BAZ2B: variants seen among roughly 807,000 people sequenced by gnomAD.
The protein encoded by BAZ2B is bromodomain adjacent to zinc finger domain protein 2B.
A neutral mutation model predicts 246.0 loss-of-function variants in BAZ2B; 91 were observed. The observed-to-expected ratio is 0.37, with a 90% CI of 0.31 to 0.44. BAZ2B has a LOEUF of 0.44. BAZ2B is among the 20% of genes least tolerant of loss of function. BAZ2B has a pLI of 1.00. For synonymous variants in BAZ2B, 855 were observed against 860.0 expected, an observed-to-expected ratio of 0.99 and a Z score of 0.10; for missense variants, 2,332 against 2,533.7, an observed-to-expected ratio of 0.92 and a Z score of 1.71.
rs112894902 is a variant in BAZ2B at position 159,450,990 on chromosome 2, A to G, written c.335-2581T>C. ...GCCTGCCTCGGCCTCCCAAAATGCT[A>G]GGATTATAGGCACGAGGCACCATGG... is the stretch of plus-strand genomic sequence containing the variant. On this transcript the variant is annotated intron_variant, in intron 4 of 36. Coordinates refer to ENST00000392783, the MANE Select transcript of BAZ2B (RefSeq NM_013450.4). Among the ~76,000 whole-genome samples, 693 of 152,212 alleles carry G rather than the reference A, an allele frequency of 4.6e-3. 8 individuals are homozygous for G. The highest frequency in any genetic ancestry group is 0.016 in the African/African-American group (661 of 41,548).
intron 22 of BAZ2B, 82 bp from the exon 23 acceptor site, chr2:159,385,451 ATT>A: frequency 7.7e-7 from 1 of 1,290,858 alleles, no homozygotes; most frequent in Non-Finnish European, 1.1e-6. Flanking sequence ...TCCTCATATT[ATT>A]TGATTTAGAT....
chr2:159,432,977 A>C lies in BAZ2B; in HGVS notation c.1680T>G (p.His560Gln). 1 of 1,614,032 alleles carries C rather than the reference A, an allele frequency of 6.2e-7. No individual in the cohort carries two copies. Among genetic ancestry groups the C allele is most frequent in the Non-Finnish European group, 8.5e-7 (1 of 1,179,992 alleles). The stretch of plus-strand genomic sequence containing the variant: ...TAACTGCTTTTTCCTTCCCTTGACT[A>C]TGCAGGATGGGAGAGGCAGAGGGCA... Reference protein sequence around the residue: ...PVMPSASPILHSQGKEKAVSN... With the variant: ...PVMPSASPILQSQGKEKAVSN... Residue 560 changes from histidine to glutamine, a missense_variant, in exon 9 of 37, where the codon CAT becomes CAG. His to Gln is a conservative substitution (Grantham distance 24). Coordinates refer to ENST00000392783, the MANE Select transcript of BAZ2B (RefSeq NM_013450.4).
At position 159,386,340 on chromosome 2, in the gene BAZ2B, TG is replaced by T. The variant is rs2062658243; in HGVS notation, c.3471+12del. On this transcript the variant is annotated intron_variant, in intron 22 of 36. Coordinates refer to ENST00000392783, the MANE Select transcript of BAZ2B (RefSeq NM_013450.4). Reference sequence around the variant, plus strand: ...TACAAATTTAAAACATTTTATATTTTGTTTTTTTTTACCTTGTATCCTGTTA... The same window carrying T: ...TACAAATTTAAAACATTTTATATTTTTTTTTTTTTACCTTGTATCCTGTTA... 2.5e-6 allele frequency: 4 copies of T among 1,596,134 alleles called. No homozygotes were observed. Among genetic ancestry groups the T allele is most frequent in the East Asian group, 2.2e-5 (1 of 44,588 alleles).
intron 20 of BAZ2B, among the ~76,000 whole-genome samples, chr2:159,389,961 A>G (rs1200139238): frequency 6.6e-6 from 1 of 152,170 alleles, no homozygotes; most frequent in East Asian, 1.9e-4. Context: ...ATGTAAAATC[A>G]GTTGTGAAGG....
At position 159,516,507 on chromosome 2, in the gene BAZ2B, C is replaced by T. The variant is rs539103247; in HGVS notation, c.-2-37786G>A. Reference sequence around the variant, plus strand: ...TTACAATGCTCTATTTGTTGAAACACCTAAAATCTACCTAACACAACCTCT... The same window carrying T: ...TTACAATGCTCTATTTGTTGAAACATCTAAAATCTACCTAACACAACCTCT... On this transcript the variant is annotated intron_variant, in intron 2 of 36. Transcript: ENST00000392783. The T allele has an allele frequency of 4.1e-4, 62 of 152,568 alleles. 2 individuals carry two copies. Among genetic ancestry groups the T allele is most frequent in the African/African-American group, 1.3e-3 (56 of 41,494 alleles). The allele number at this position is 152,568 out of a possible 1,614,324, so 9.5% of individuals were successfully genotyped here. A position where few individuals can be genotyped will look rare whatever the true frequency, so the allele number is the denominator to read the frequency against.
chr2:159,484,743 C>T (rs549833196), intron 2 of BAZ2B, among the ~76,000 whole-genome samples: 3 of 152,094 alleles, frequency 2.0e-5, no homozygotes, highest in Non-Finnish European at 4.4e-5. Context: ...GACCAAGACA[C>T]GTTGCCTGAG....
the BAZ2B span, among the ~76,000 whole-genome samples, chr2:159,625,241 G>A: frequency 6.6e-6 from 1 of 152,162 alleles, no homozygotes; most frequent in African/African-American, 2.4e-5. Flanking sequence ...ATAGAACCAA[G>A]TTGGAAAACA....
At position 159,337,662 on chromosome 2, in the gene BAZ2B, G is replaced by A. The variant is rs746684021; in HGVS notation, c.5565C>T (p.Asp1855=). Residue 1855 remains aspartate, a synonymous_variant, in exon 32 of 37, where the codon GAC becomes GAT. Coordinates refer to ENST00000392783, the MANE Select transcript of BAZ2B (RefSeq NM_013450.4). Reference sequence around the variant, plus strand: ...GTTCTAGTGCATGTGCACTGCTTTCGTCTTCGCCAGTAAATTCTCCATCAT... The same window carrying A: ...GTTCTAGTGCATGTGCACTGCTTTCATCTTCGCCAGTAAATTCTCCATCAT... The part of the protein sequence containing the change: ...KEHDGEFTGE[D]ESSAHALERK... The A allele has an allele frequency of 1.7e-5, 27 of 1,614,040 alleles. No individual in the cohort carries two copies. The highest frequency in any genetic ancestry group is 4.5e-5 in the East Asian group (2 of 44,900).
the BAZ2B span, chr2:159,689,796 G>C: frequency 2.0e-6 from 1 of 505,600 alleles, no homozygotes; most frequent in Non-Finnish European, 3.6e-6. Flanking sequence ...TCATTTGTCT[G>C]CACCTCTTGG....
At chr2:159,686,348 T>C in the BAZ2B span, among the ~76,000 whole-genome samples, 3 of 152,218 alleles carry the variant, frequency 2.0e-5, no homozygotes, top group Admixed American at 6.5e-5. Flanking sequence ...TGATAGCATC[T>C]ACCCTCTGAT....
At chr2:159,591,075 T>C (rs1183777082) in intron 1 of BAZ2B, among the ~76,000 whole-genome samples, 1 of 152,200 alleles carries the variant, frequency 6.6e-6, no homozygotes, top group Non-Finnish European at 1.5e-5. Context: ...TTGTCCACAG[T>C]GGGCTGACAT....
intron 2 of BAZ2B, among the ~76,000 whole-genome samples, chr2:159,533,037 A>C (rs78532754): frequency 1.3e-5 from 2 of 152,224 alleles, no homozygotes; most frequent in Non-Finnish European, 2.9e-5. Context: ...TACTGGAGAC[A>C]GAGAAACTAG....
At chr2:159,651,623 T>C in the BAZ2B span, among the ~76,000 whole-genome samples, 2 of 152,180 alleles carry the variant, frequency 1.3e-5, no homozygotes, top group Non-Finnish European at 1.5e-5. Flanking sequence ...TTGAAATATA[T>C]AATTTAGTGC....
At chr2:159,515,529 T>A (rs1175657211) in intron 2 of BAZ2B, among the ~76,000 whole-genome samples, 2 of 152,136 alleles carry the variant, frequency 1.3e-5, no homozygotes, top group Non-Finnish European at 2.9e-5. Context: ...TGTTTTCCTA[T>A]GTGCAGAGTC....
the BAZ2B span, among the ~76,000 whole-genome samples, chr2:159,638,722 A>T: frequency 6.6e-6 from 1 of 152,084 alleles, no homozygotes; most frequent in African/African-American, 2.4e-5. Flanking sequence ...AAGAAAAAAA[A>T]TAAAAATACA....
At chr2:159,431,472 G>A (rs1045236203) in intron 9 of BAZ2B, among the ~76,000 whole-genome samples, 23 of 152,126 alleles carry the variant, frequency 1.5e-4, no homozygotes, top group Admixed American at 1.5e-3. Context: ...TAAAAGAGGG[G>A]ATTAAATTGA....
chr2:159,328,500 C>A (rs185447516), intron 34 of BAZ2B, among the ~76,000 whole-genome samples: 6 of 152,240 alleles, frequency 3.9e-5, no homozygotes, highest in Non-Finnish European at 4.4e-5. Context: ...TTTGGGAGGA[C>A]ATAAAAATCC....
At chr2:159,431,773 T>C (rs1056128338) in intron 9 of BAZ2B, among the ~76,000 whole-genome samples, 15 of 152,314 alleles carry the variant, frequency 9.8e-5, no homozygotes, top group African/African-American at 3.4e-4. Flanking sequence ...CATCCATTCC[T>C]CTACATATGT....
Position 159,382,705 on chromosome 2 carries a change from C to G in BAZ2B, c.3859G>C (p.Gly1287Arg). Reference sequence around the variant, plus strand: ...CCTCCCTTCCTTCTTCGCTTGCGTCCTGGAGTGGGTGTGCCCAAGGGATGC... The same window carrying G: ...CCTCCCTTCCTTCTTCGCTTGCGTCGTGGAGTGGGTGTGCCCAAGGGATGC... ...EQHPLGTPTPGRKRRRKGGDS... is the reference protein window; with the variant it reads ...EQHPLGTPTPRRKRRRKGGDS... The change falls in exon 25 of 37, where the codon GGA (glycine) becomes CGA (arginine). Residue 1287 changes from glycine (G) to arginine (R), a missense_variant. Gly to Arg is a moderately radical substitution (Grantham distance 125, BLOSUM62 -2). Transcript: ENST00000392783. 6.2e-7 allele frequency: 1 copy of G among 1,613,344 alleles called. No individual in the cohort carries two copies. The highest frequency in any genetic ancestry group is 8.5e-7 in the Non-Finnish European group (1 of 1,179,770).
Sources: allele counts gnomAD v4.1 joint callset (sites outside exome capture counted in the v4.1 genomes callset), GRCh38; gene constraint gnomAD v4.1.1; transcripts MANE v1.5; gene names NCBI Gene and HGNC (gene_info 2026-07-23, HGNC 2026-07-21).